Variants in HOGA1 observed in about 807,000 individuals in gnomAD.
HOGA1 encodes the protein 4-hydroxy-2-oxoglutarate aldolase 1.
In HOGA1, 30 loss-of-function variants were observed where a neutral mutation model predicts 34.3. The observed-to-expected ratio is 0.87, with a 90% CI of 0.65 to 1.19. The LOEUF (loss-of-function observed/expected upper bound fraction) is 1.19. Among genes scored for constraint, HOGA1 ranks in the 50% most tolerant of loss-of-function variants. HOGA1 has a pLI of 0.00. For synonymous variants in HOGA1, 161 were observed against 174.0 expected, an observed-to-expected ratio of 0.93 and a Z score of 0.59; for missense variants, 417 against 436.5, an observed-to-expected ratio of 0.96 and a Z score of 0.40.
At chr10:97,608,859 C>T (rs189840416) in intron 6 of HOGA1, among the ~76,000 whole-genome samples, 1 of 152,134 alleles carries the variant, frequency 6.6e-6, no homozygotes, top group Non-Finnish European at 1.5e-5. Context: ...GATTTTTGGC[C>T]TCCCCTTAAG....
chr10:97,602,551 G>A (rs2041127516), intron 6 of HOGA1: 1 of 985,172 alleles, frequency 1.0e-6, no homozygotes. Context: ...TGAAGTCTGA[G>A]GCAACAGAAA....
intron 1 of HOGA1, among the ~76,000 whole-genome samples, chr10:97,588,848 A>AT (rs201841010): frequency 7.5e-4 from 114 of 151,458 alleles, no homozygotes; most frequent in Non-Finnish European, 1.2e-3. Context: ...GGCATTTCTT[A>AT]TTTTTTTTTA....
At position 97,599,082 on chromosome 10, in the gene HOGA1, C is replaced by T; in HGVS notation, c.341-7C>T. 1 of 1,612,564 alleles carries T rather than the reference C, an allele frequency of 6.2e-7. No homozygotes were observed. The highest frequency in any genetic ancestry group is 8.5e-7 in the Non-Finnish European group (1 of 1,180,012). On this transcript the variant is annotated splice_polypyrimidine_tract_variant and splice_region_variant and intron_variant, in intron 2 of 6. Coordinates refer to ENST00000370646, the MANE Select transcript of HOGA1 (RefSeq NM_138413.4). ...GCCTGCTCTCACCTCTCTCCTTCCTCTGGCAGCCACTCAAGCCACAGTGGA... is the reference window on the plus strand; with the variant it reads ...GCCTGCTCTCACCTCTCTCCTTCCTTTGGCAGCCACTCAAGCCACAGTGGA...
At chr10:97,605,406 G>C (rs545538742) in intron 6 of HOGA1, among the ~76,000 whole-genome samples, 1 of 88,906 alleles carries the variant, frequency 1.1e-5, no homozygotes, top group African/African-American at 4.3e-5. Context: ...GTGAGATCCT[G>C]TCTCAAAAAA....
intron 1 of HOGA1, 42 bp from the exon 2 acceptor site, chr10:97,598,733 G>C (rs375072439): frequency 6.2e-7 from 1 of 1,613,546 alleles, no homozygotes; most frequent in Non-Finnish European, 8.5e-7. Flanking sequence ...CTAGTTGTTC[G>C]GTAGAGGATG....
chr10:97,609,739 G>A (rs2041181989), intron 6 of HOGA1, among the ~76,000 whole-genome samples: 1 of 152,204 alleles, frequency 6.6e-6, no homozygotes, highest in African/African-American at 2.4e-5. Flanking sequence ...ACCCATGGCA[G>A]GAGTGAGCTT....
chr10:97,599,393 TC>T, intron 3 of HOGA1, 177 bp downstream of exon 3: 4 of 761,274 alleles, frequency 5.3e-6, no homozygotes, highest in Non-Finnish European at 8.7e-6. Flanking sequence ...TACTGCTTTC[TC>T]CCCTCTAAAA....
rs1453912951 is a variant in HOGA1, at chr10:97,584,790, G to A, written c.87G>A (p.Glu29=). 3.1e-6 allele frequency: 5 copies of A among 1,613,850 alleles called. No homozygotes were observed. Among genetic ancestry groups the A allele is most frequent in the Non-Finnish European group, 4.2e-6 (5 of 1,179,930 alleles). The change falls in exon 1 of 7, where the codon GAG becomes GAA. Residue 29 remains glutamate, a synonymous_variant. Coordinates refer to ENST00000370646, the MANE Select transcript of HOGA1 (RefSeq NM_138413.4). ...ATGTGGGGGTCTGGGCCTCAGGGGA[G>A]GGGAAGAAGGTGGACATTGCGGGTA... ...SRNVGVWASG[E]GKKVDIAGIY...
At chr10:97,609,617 A>T (rs1589913199) in intron 6 of HOGA1, among the ~76,000 whole-genome samples, 2 of 151,272 alleles carry the variant, frequency 1.3e-5, no homozygotes, top group Admixed American at 1.3e-4. Flanking sequence ...TCCTTCCTCC[A>T]CCTTCCCACC....
chr10:97,585,591 C>T (rs1393917577), intron 1 of HOGA1, among the ~76,000 whole-genome samples: 2 of 152,246 alleles, frequency 1.3e-5, no homozygotes, highest in Admixed American at 1.3e-4. Context: ...GCAGTGCTCT[C>T]TGTAGGACCA....
chr10:97,604,880 G>T (rs1245841135), intron 6 of HOGA1, among the ~76,000 whole-genome samples: 1 of 152,152 alleles, frequency 6.6e-6, no homozygotes, highest in Non-Finnish European at 1.5e-5. Flanking sequence ...TGCTCGAGTG[G>T]CTGAGCAAGA....
At position 97,611,827 on chromosome 10, in the gene HOGA1, G is replaced by A. The variant is rs2135730149; in HGVS notation, c.*168G>A. On this transcript the variant is annotated 3_prime_UTR_variant, in exon 7 of 7. Coordinates refer to ENST00000370646, the MANE Select transcript of HOGA1 (RefSeq NM_138413.4). ...GGCAGCCTTTCACAGGCACGCCCATGCATATCTCCTATTCTAACGGCCCCT... is the reference window on the plus strand; with the variant it reads ...GGCAGCCTTTCACAGGCACGCCCATACATATCTCCTATTCTAACGGCCCCT... 1 of 704,788 alleles carries A rather than the reference G, an allele frequency of 1.4e-6. No homozygotes were observed. Among genetic ancestry groups the A allele is most frequent in the East Asian group, 2.7e-5 (1 of 36,650 alleles). The allele number at this position is 704,788 out of a possible 1,614,324, so 43.7% of individuals were successfully genotyped here. A position where few individuals can be genotyped will look rare whatever the true frequency, so the allele number is the denominator to read the frequency against.
intron 6 of HOGA1, among the ~76,000 whole-genome samples, chr10:97,606,185 C>A (rs2041156774): frequency 1.3e-5 from 2 of 150,418 alleles, no homozygotes; most frequent in South Asian, 4.2e-4. Context: ...CCTGTAATCC[C>A]AGCTCCTCAG....
chr10:97,589,821 C>A lies in HOGA1; in HGVS notation c.211+4907C>A, dbSNP rs2041003362. 3 of 1,150,784 alleles carry A rather than the reference C, an allele frequency of 2.6e-6. No individual in the cohort carries two copies. In the African/African-American group the frequency reaches 4.6e-5, roughly 18 times the overall value. 71.3% of individuals were successfully genotyped at this position (1,150,784 alleles called of 1,614,324 possible). On this transcript the variant is annotated intron_variant, in intron 1 of 6. Transcript: ENST00000370646. ...CCTGCCTGGTGTAGGGTCCTGGAGA[C>A]CTTCTTGGAGCTCATCCAGCAGCCA...
intron 1 of HOGA1, among the ~76,000 whole-genome samples, chr10:97,587,344 T>G (rs1053045506): frequency 6.6e-6 from 1 of 152,142 alleles, no homozygotes; most frequent in Non-Finnish European, 1.5e-5. Context: ...CCCAGCACTT[T>G]GGGAGGCCAA....
chr10:97,589,114 C>G (rs2040996981), intron 1 of HOGA1, among the ~76,000 whole-genome samples: 1 of 152,124 alleles, frequency 6.6e-6, no homozygotes, highest in South Asian at 2.1e-4. Flanking sequence ...CCGATGAAGT[C>G]TCCTGTCCAC....
chr10:97,597,395 T>C (rs1181121631), intron 1 of HOGA1, among the ~76,000 whole-genome samples: 3 of 151,996 alleles, frequency 2.0e-5, no homozygotes, highest in African/African-American at 7.3e-5. Context: ...GCCATTTTTT[T>C]TTTCTTTAAT....
intron 6 of HOGA1, among the ~76,000 whole-genome samples, chr10:97,611,222 T>C (rs1293253563): frequency 6.6e-6 from 1 of 152,214 alleles, no homozygotes; most frequent in African/African-American, 2.4e-5. Flanking sequence ...CCACCCCAGC[T>C]TGAGGACCAA....
At chr10:97,609,011 T>A (rs1280040371) in intron 6 of HOGA1, among the ~76,000 whole-genome samples, 2 of 152,106 alleles carry the variant, frequency 1.3e-5, no homozygotes, top group Non-Finnish European at 2.9e-5. Context: ...AAGGGGCAGA[T>A]TAACTTAGAT....
Sources: allele counts gnomAD v4.1 joint callset (sites outside exome capture counted in the v4.1 genomes callset), GRCh38; gene constraint gnomAD v4.1.1; transcripts MANE v1.5; gene names NCBI Gene and HGNC (gene_info 2026-07-23, HGNC 2026-07-21).